The following USP8 variants were observed in gnomAD, a reference collection of about 807,000 sequenced individuals.
USP8 encodes the protein ubiquitin carboxyl-terminal hydrolase 8.
Under a neutral mutation model 130.0 loss-of-function variants are expected in USP8, and 27 were observed. The ratio of observed to expected loss-of-function variants is 0.21; its 90% CI spans 0.15 to 0.29. The LOEUF is 0.29. Ranked by LOEUF, USP8 falls within the 10% of genes least tolerant of loss-of-function variation. The pLI, the probability that USP8 is intolerant of heterozygous loss-of-function variation, is 1.00. For synonymous variants in USP8, 392 were observed against 444.1 expected, an observed-to-expected ratio of 0.88 and a Z score of 1.48; for missense variants, 1,029 against 1,312.2, an observed-to-expected ratio of 0.78 and a Z score of 3.33.
Position 50,498,908 on chromosome 15 carries a change from C to T in USP8, c.3177C>T (p.His1059=). 6.2e-7 allele frequency: 1 copy of T among 1,604,004 alleles called. No homozygotes were observed. Among genetic ancestry groups the T allele is most frequent in the Non-Finnish European group, 8.5e-7 (1 of 1,175,656 alleles). Residue 1059 remains histidine (H), a synonymous_variant, in exon 20 of 20, where the codon CAC becomes CAT. Coordinates refer to ENST00000307179, the MANE Select transcript of USP8 (RefSeq NM_005154.5). ...KKYNLFSVSN[H]YGGLDGGHYT... ...TTCTATCTTGTTTGGCACAGAATCA[C>T]TACGGTGGGCTGGATGGAGGCCACT...
At position 50,496,085 on chromosome 15, in the gene USP8, GTA is replaced by G; in HGVS notation, c.2895+2_2895+3del. 6.3e-7 allele frequency: 1 copy of G among 1,597,858 alleles called. No homozygotes were observed. ...ATCCACAAGTAAATGTACATTACAG[GTA>G]AGTTTAAGAAGTAGAGAGAAAATGA... On this transcript the variant is annotated splice_donor_variant and splice_donor_region_variant and intron_variant, in intron 17 of 19. Transcript: ENST00000307179. LOFTEE classifies it high-confidence loss of function.
chr15:50,510,030 A>G lies in USP8; in HGVS notation c.*10942A>G, dbSNP rs2052716908. The G allele has an allele frequency of 6.6e-6, 1 of 152,114 alleles. No homozygotes were observed. The highest frequency in any genetic ancestry group is 2.1e-4 in the South Asian group (1 of 4,828). The allele number at this position is 152,114 out of a possible 1,614,324, so 9.4% of individuals were successfully genotyped here. ...TAATTAATATTCATAAGCTAAATTA[A>G]GAATTAATTCAATATTAATTTAATA... On this transcript the variant is annotated 3_prime_UTR_variant, in exon 20 of 20. Transcript: ENST00000307179.
At chr15:50,445,537 G>C (rs1391326326) in intron 3 of USP8, among the ~76,000 whole-genome samples, 599 of 10,910 alleles carry the variant, frequency 0.055, no homozygotes, top group Middle Eastern at 0.2. Flanking sequence ...CAGAGCAAGA[G>C]TCTGTCTCAA....
chr15:50,498,849 T>A lies in USP8; in HGVS notation c.3172-54T>A. Reference sequence around the variant, plus strand: ...TAAAGCTTTGAAACTATTGGCGTATTTTAAATAACAATTTTAACTGAATTG... The same window carrying A: ...TAAAGCTTTGAAACTATTGGCGTATATTAAATAACAATTTTAACTGAATTG... On this transcript the variant is annotated intron_variant, in intron 19 of 19. Coordinates refer to ENST00000307179, the MANE Select transcript of USP8 (RefSeq NM_005154.5). The A allele has an allele frequency of 1.9e-6, 3 of 1,556,744 alleles. No homozygotes were observed. The East Asian group carries it at 6.8e-5, about 35-fold the overall frequency.
chr15:50,459,337 A>G (rs1194465793), intron 5 of USP8, among the ~76,000 whole-genome samples, 175 bp downstream of exon 5: 1 of 152,232 alleles, frequency 6.6e-6, no homozygotes, highest in African/African-American at 2.4e-5. Context: ...TAATCCCAGC[A>G]CTTTGGGAGG....
rs182179641 is a variant in USP8 at position 50,462,160 on chromosome 15, G to A, written c.499-120G>A. The A allele has an allele frequency of 3.0e-3, 2,209 of 735,388 alleles. 3 individuals carry two copies. The highest frequency in any genetic ancestry group is 5.9e-3 in the Admixed American group (165 of 27,812). The allele number at this position is 735,388 out of a possible 1,614,324, so 45.6% of individuals were successfully genotyped here. A position where few individuals can be genotyped will look rare whatever the true frequency, so the allele number is the denominator to read the frequency against. Reference sequence around the variant, plus strand: ...ATTATTCGTCTGCGTTTTTATAAAAGGCCAGTACTCTGCACAGTTCGTTTC... The same window carrying A: ...ATTATTCGTCTGCGTTTTTATAAAAAGCCAGTACTCTGCACAGTTCGTTTC... On this transcript the variant is annotated intron_variant, in intron 5 of 19. Coordinates refer to ENST00000307179, the MANE Select transcript of USP8 (RefSeq NM_005154.5).
intron 4 of USP8, among the ~76,000 whole-genome samples, chr15:50,455,895 G>A (rs72738970): frequency 0.093 from 14,144 of 152,144 alleles, 1,443 homozygotes; most frequent in African/African-American, 0.26. Context: ...TCTGAGATTG[G>A]GGTCTTTATT....
intron 7 of USP8, among the ~76,000 whole-genome samples, chr15:50,466,508 T>C (rs564017511): frequency 6.8e-6 from 1 of 146,078 alleles, no homozygotes; most frequent in South Asian, 2.2e-4. Context: ...GGCAGGAGAG[T>C]GGCATGAACC....
intron 4 of USP8, among the ~76,000 whole-genome samples, chr15:50,457,958 C>T (rs755278827): frequency 2.0e-5 from 3 of 151,374 alleles, no homozygotes; most frequent in Non-Finnish European, 2.9e-5. Flanking sequence ...ACTATTGATT[C>T]GTCTTTTACT....
At chr15:50,455,916 C>A (rs1238475520) in intron 4 of USP8, among the ~76,000 whole-genome samples, 1 of 152,168 alleles carries the variant, frequency 6.6e-6, no homozygotes. Context: ...GGAATTTTAG[C>A]TGTTTTCAGC....
At chr15:50,433,884 C>T (rs1476862083) in intron 1 of USP8, among the ~76,000 whole-genome samples, 14 of 152,322 alleles carry the variant, frequency 9.2e-5, no homozygotes, top group Middle Eastern at 3.4e-3. Context: ...GGATTACAGG[C>T]GTGAGCCACT....
At position 50,504,422 on chromosome 15, in the gene USP8, G is replaced by A. The variant is rs1195713768; in HGVS notation, c.*5334G>A. 6.6e-6 allele frequency: 1 copy of A among 152,360 alleles called. No individual in the cohort carries two copies. Among genetic ancestry groups the A allele is most frequent in the Non-Finnish European group, 1.5e-5 (1 of 68,214 alleles). The allele number at this position is 152,360 out of a possible 1,614,324, so 9.4% of individuals were successfully genotyped here. On this transcript the variant is annotated 3_prime_UTR_variant, in exon 20 of 20. Coordinates refer to ENST00000307179, the MANE Select transcript of USP8 (RefSeq NM_005154.5). ...GCCTATAGTCCCAGCTACTTGGTAG[G>A]TTGAGGTGGGAGAATCACCTGAGCC... is the stretch of plus-strand genomic sequence containing the variant.
At chr15:50,493,097 C>T (rs909521128) in intron 15 of USP8, 184 bp downstream of exon 15, 1 of 703,642 alleles carries the variant, frequency 1.4e-6, no homozygotes, top group Non-Finnish European at 2.5e-6. Flanking sequence ...GTGCCGGCAT[C>T]TGGTGCGCTT....
chr15:50,497,368 A>G, intron 18 of USP8, 137 bp downstream of exon 18: 2 of 1,091,602 alleles, frequency 1.8e-6, no homozygotes, highest in Non-Finnish European at 2.5e-6. Context: ...AGATCTAGGG[A>G]AATAAAGCAG....
At chr15:50,493,009 A>G in intron 15 of USP8, 96 bp downstream of exon 15, 2 of 1,187,968 alleles carry the variant, frequency 1.7e-6, no homozygotes, top group South Asian at 1.2e-5. Context: ...GCTATAACAA[A>G]ATACCTAAGA....
chr15:50,470,323 CAT>C (rs544292476), intron 7 of USP8, among the ~76,000 whole-genome samples: 137 of 152,206 alleles, frequency 9.0e-4, no homozygotes, highest in Middle Eastern at 3.4e-3. Flanking sequence ...ATGGGAATAT[CAT>C]GTGTGCGTGT....
intron 7 of USP8, among the ~76,000 whole-genome samples, chr15:50,470,691 C>G (rs2051345777): frequency 6.6e-6 from 1 of 151,722 alleles, no homozygotes; most frequent in South Asian, 2.1e-4. Context: ...CAGCCTCCGC[C>G]TCCCAGGTTC....
At chr15:50,445,183 G>A (rs2050384454) in intron 3 of USP8, among the ~76,000 whole-genome samples, 1 of 152,018 alleles carries the variant, frequency 6.6e-6, no homozygotes, top group Non-Finnish European at 1.5e-5. Context: ...AGATGAGGTA[G>A]GGACTGAATG....
rs991352062 is a variant in USP8, at chr15:50,500,047, G to A, written c.*959G>A. 3 of 151,986 alleles carry A rather than the reference G, an allele frequency of 2.0e-5. No homozygotes were observed. The highest frequency in any genetic ancestry group is 4.8e-5 in the African/African-American group (2 of 41,340). 9.4% of individuals were successfully genotyped at this position (151,986 alleles called of 1,614,324 possible). A position where few individuals can be genotyped will look rare whatever the true frequency, so the allele number is the denominator to read the frequency against. ...AAAGGAGCTTATAATTTATTTAACC[G>A]AGGGACTCAGTTGCTATATATATAG... On this transcript the variant is annotated 3_prime_UTR_variant, in exon 20 of 20. Transcript: ENST00000307179.
Sources: allele counts gnomAD v4.1 joint callset (sites outside exome capture counted in the v4.1 genomes callset), GRCh38; gene constraint gnomAD v4.1.1; transcripts MANE v1.5; gene names NCBI Gene and HGNC (gene_info 2026-07-23, HGNC 2026-07-21).